Variants in BMAL2 observed in about 807,000 individuals in gnomAD.
BMAL2 encodes the protein basic helix-loop-helix ARNT like 2, also known as basic helix-loop-helix ARNT-like protein 2.
At chr12:27,355,241 C>T in the BMAL2 span, among the ~76,000 whole-genome samples, 2 of 152,240 alleles carry the variant, frequency 1.3e-5, no homozygotes, top group South Asian at 4.2e-4. Flanking sequence ...CCTCTCCTCC[C>T]CATCCCCTGA....
the BMAL2 span, among the ~76,000 whole-genome samples, chr12:27,403,721 TG>T: frequency 6.6e-6 from 1 of 151,820 alleles, no homozygotes; most frequent in Non-Finnish European, 1.5e-5. Flanking sequence ...CATACCAACA[TG>T]AAAAAAAACT....
chr12:27,368,266 A>C, the BMAL2 span: 13 of 1,613,976 alleles, frequency 8.1e-6, no homozygotes, highest in Non-Finnish European at 1.0e-5. Flanking sequence ...CCATAGGTAA[A>C]GTGTTGAGAG....
chr12:27,424,548 T>G, the BMAL2 span: 1 of 152,224 alleles, frequency 6.6e-6, no homozygotes, highest in Non-Finnish European at 1.5e-5. Context: ...AAGGATGTCT[T>G]TGTTGTCATA....
At chr12:27,414,322 A>C in the BMAL2 span, among the ~76,000 whole-genome samples, 1 of 152,220 alleles carries the variant, frequency 6.6e-6, no homozygotes, top group Non-Finnish European at 1.5e-5. Context: ...TAAAGACGTG[A>C]ACACTCCATC....
the BMAL2 span, among the ~76,000 whole-genome samples, chr12:27,415,389 T>C: frequency 4.6e-5 from 7 of 152,216 alleles, no homozygotes; most frequent in Non-Finnish European, 1.0e-4. Context: ...AAGTTGTGTT[T>C]ATGCCATTTT....
chr12:27,420,345 A>G, the BMAL2 span: 1 of 1,600,506 alleles, frequency 6.2e-7, no homozygotes, highest in Non-Finnish European at 8.5e-7. Flanking sequence ...TGTGAAATGT[A>G]TGACTTTACT....
chr12:27,376,925 C>T, the BMAL2 span, among the ~76,000 whole-genome samples: 789 of 139,448 alleles, frequency 5.7e-3, 8 homozygotes, highest in African/African-American at 0.016. Context: ...GGCGTGAACT[C>T]GGGAGGCAGA....
chr12:27,367,243 C>T, the BMAL2 span, among the ~76,000 whole-genome samples: 20 of 146,266 alleles, frequency 1.4e-4, no homozygotes, highest in African/African-American at 2.4e-4. Context: ...GAACCAGCTA[C>T]TAAGTGACTC....
chr12:27,375,928 G>A, the BMAL2 span, among the ~76,000 whole-genome samples: 1 of 152,144 alleles, frequency 6.6e-6, no homozygotes, highest in Admixed American at 6.5e-5. Context: ...TTAAAGGTCT[G>A]GGATTCTTAA....
the BMAL2 span, among the ~76,000 whole-genome samples, chr12:27,335,814 A>AAGGGGAGG: frequency 9.4e-4 from 141 of 149,330 alleles, 2 homozygotes; most frequent in East Asian, 0.024. Flanking sequence ...AAGGAAGGAG[A>AAGGGGAGG]AGGGGAGGAG....
At chr12:27,341,517 G>A in the BMAL2 span, among the ~76,000 whole-genome samples, 7,354 of 152,218 alleles carry the variant, frequency 0.048, 584 homozygotes, top group African/African-American at 0.17. Context: ...TTTGGTTAGC[G>A]CAGCTACTTA....
chr12:27,392,554 G>A, the BMAL2 span, among the ~76,000 whole-genome samples: 2 of 152,098 alleles, frequency 1.3e-5, no homozygotes, highest in African/African-American at 4.8e-5. Flanking sequence ...GAGTCAGAAT[G>A]TGGTATGTTT....
At chr12:27,339,232 T>A in the BMAL2 span, among the ~76,000 whole-genome samples, 4 of 152,318 alleles carry the variant, frequency 2.6e-5, no homozygotes, top group East Asian at 7.7e-4. Flanking sequence ...TGGTCCTGTG[T>A]TAGTTTGCTA....
the BMAL2 span, among the ~76,000 whole-genome samples, chr12:27,345,890 TG>T: frequency 6.6e-6 from 1 of 152,256 alleles, no homozygotes; most frequent in African/African-American, 2.4e-5. Flanking sequence ...TTTCTCCAAA[TG>T]TTTTTTAGTA....
chr12:27,377,908 G>A, the BMAL2 span, among the ~76,000 whole-genome samples: 13 of 152,284 alleles, frequency 8.5e-5, no homozygotes, highest in East Asian at 1.9e-4. Context: ...GGGGCAGGGG[G>A]TGTGGTAGCT....
chr12:27,343,228 T>A, the BMAL2 span, among the ~76,000 whole-genome samples: 1 of 152,376 alleles, frequency 6.6e-6, no homozygotes, highest in East Asian at 1.9e-4. Flanking sequence ...ATCTATACTG[T>A]ATTTGTAAAA....
At chr12:27,374,740 G>A in the BMAL2 span, among the ~76,000 whole-genome samples, 4 of 152,302 alleles carry the variant, frequency 2.6e-5, no homozygotes, top group South Asian at 2.1e-4. Context: ...GGTGGAAGGC[G>A]CACCAGCCTG....
At chr12:27,389,396 A>G in the BMAL2 span, 1 of 718,258 alleles carries the variant, frequency 1.4e-6, no homozygotes, top group Non-Finnish European at 2.3e-6. Context: ...CTAAGCTTTT[A>G]TCAAGAGAGA....
At chr12:27,359,812 C>A in the BMAL2 span, among the ~76,000 whole-genome samples, 37 of 152,242 alleles carry the variant, frequency 2.4e-4, no homozygotes, top group African/African-American at 8.9e-4. Context: ...ATCTCATAAA[C>A]CTTTCCTCTG....
Sources: allele counts gnomAD v4.1 joint callset (sites outside exome capture counted in the v4.1 genomes callset), GRCh38; gene constraint gnomAD v4.1.1; transcripts MANE v1.5; gene names NCBI Gene and HGNC (gene_info 2026-07-23, HGNC 2026-07-21).